MAPKAP1: variants seen among roughly 807,000 people sequenced by gnomAD.
MAPKAP1 encodes MAPK associated protein 1, also known as target of rapamycin complex 2 subunit MAPKAP1.
In MAPKAP1, 20 loss-of-function variants were observed where a neutral mutation model predicts 65.7. The observed-to-expected ratio is 0.30, with a 90% CI of 0.21 to 0.44. The LOEUF (loss-of-function observed/expected upper bound fraction) is 0.44, where lower values mean the gene tolerates loss of function less well. Among genes scored for constraint, MAPKAP1 ranks in the 20% least tolerant of loss-of-function variants. The pLI, the probability that MAPKAP1 is intolerant of heterozygous loss-of-function variation, is 1.00. For synonymous variants in MAPKAP1, 222 were observed against 244.3 expected (o/e 0.91, Z 0.85); for missense variants, 423 against 648.0 (o/e 0.65, Z 3.77).
chr9:125,652,105 C>T, intron 4 of MAPKAP1: 1 of 1,269,204 alleles, frequency 7.9e-7, no homozygotes. Context: ...TACGTGATTT[C>T]AATTCGCTGA....
At chr9:125,442,384 C>A (rs904387772) in intron 11 of MAPKAP1, among the ~76,000 whole-genome samples, 2 of 152,158 alleles carry the variant, frequency 1.3e-5, no homozygotes, top group East Asian at 1.9e-4. Context: ...AAAATGATTT[C>A]TCTGCACTTG....
At chr9:125,639,610 C>T (rs529382754) in intron 4 of MAPKAP1, among the ~76,000 whole-genome samples, 26 of 152,112 alleles carry the variant, frequency 1.7e-4, no homozygotes, top group African/African-American at 6.3e-4. Flanking sequence ...GAGAGAGGCA[C>T]GGGAAGAGAC....
intron 3 of MAPKAP1, among the ~76,000 whole-genome samples, chr9:125,662,601 T>C (rs1277924919): frequency 3.3e-5 from 5 of 152,098 alleles, no homozygotes; most frequent in South Asian, 2.1e-4. Flanking sequence ...GTGAATGGCG[T>C]GAACCCAGGA....
chr9:125,623,433 C>T (rs190919333), intron 4 of MAPKAP1, among the ~76,000 whole-genome samples: 2 of 29,244 alleles, frequency 6.8e-5, no homozygotes, highest in Non-Finnish European at 1.7e-4. Context: ...ATGTGGGGAG[C>T]GCCTCTGCCC....
chr9:125,577,739 G>T (rs1210525153), intron 5 of MAPKAP1, among the ~76,000 whole-genome samples: 1 of 132,932 alleles, frequency 7.5e-6, no homozygotes, highest in Admixed American at 7.3e-5. Flanking sequence ...GGGCGCCTCT[G>T]CCTGGCCGCC....
intron 7 of MAPKAP1, among the ~76,000 whole-genome samples, chr9:125,529,381 T>A (rs1829870543): frequency 6.6e-6 from 1 of 151,908 alleles, no homozygotes; most frequent in African/African-American, 2.4e-5. Flanking sequence ...AAGACTCTAC[T>A]GAAGGATAAG....
intron 10 of MAPKAP1, among the ~76,000 whole-genome samples, chr9:125,455,551 C>T (rs572330038): frequency 1.3e-5 from 2 of 149,982 alleles, no homozygotes; most frequent in Admixed American, 6.6e-5. Context: ...ATTTAATCAT[C>T]AAATACATTT....
chr9:125,679,856 T>C (rs1271217256), intron 1 of MAPKAP1, among the ~76,000 whole-genome samples: 1 of 152,190 alleles, frequency 6.6e-6, no homozygotes, highest in Non-Finnish European at 1.5e-5. Flanking sequence ...TCACCTGCAA[T>C]CTGTGAAAAC....
chr9:125,468,790 TGTGA>T (rs2077215205), intron 9 of MAPKAP1, among the ~76,000 whole-genome samples: 1 of 152,162 alleles, frequency 6.6e-6, no homozygotes, highest in Admixed American at 6.5e-5. Context: ...CGGCACTGGG[TGTGA>T]GTTTTACGCA....
At chr9:125,619,907 G>T (rs1589349099) in intron 4 of MAPKAP1, among the ~76,000 whole-genome samples, 1 of 152,134 alleles carries the variant, frequency 6.6e-6, no homozygotes, top group South Asian at 2.1e-4. Flanking sequence ...TAGAAAATAA[G>T]AAAAAGTTCA....
chr9:125,698,294 T>TATATATATATATA (rs1835469330), intron 1 of MAPKAP1, among the ~76,000 whole-genome samples: 1 of 6,320 alleles, frequency 1.6e-4, no homozygotes, highest in African/African-American at 6.8e-4. Flanking sequence ...TATAAATATA[T>TATATATATATATA]ATATATATAT....
At chr9:125,648,661 A>G (rs1833801276) in intron 4 of MAPKAP1, among the ~76,000 whole-genome samples, 1 of 152,136 alleles carries the variant, frequency 6.6e-6, no homozygotes. Flanking sequence ...TAAAAATCTC[A>G]GCTGGGCACA....
chr9:125,678,133 G>T (rs1324089567), intron 1 of MAPKAP1, among the ~76,000 whole-genome samples: 1 of 152,114 alleles, frequency 6.6e-6, no homozygotes, highest in Non-Finnish European at 1.5e-5. Context: ...GCCCAGGCTG[G>T]TCTTGAACTC....
At chr9:125,575,132 G>A (rs907935662) in intron 5 of MAPKAP1, among the ~76,000 whole-genome samples, 1 of 152,194 alleles carries the variant, frequency 6.6e-6, no homozygotes, top group Non-Finnish European at 1.5e-5. Flanking sequence ...CAGGATGATT[G>A]CTTTAAGCCA....
At chr9:125,587,377 C>T (rs1045412674) in intron 4 of MAPKAP1, among the ~76,000 whole-genome samples, 11 of 152,112 alleles carry the variant, frequency 7.2e-5, no homozygotes, top group Admixed American at 7.2e-4. Context: ...ACCAACCTGG[C>T]CAACATGGTG....
chr9:125,495,698 C>A (rs746161993), intron 8 of MAPKAP1, among the ~76,000 whole-genome samples: 1 of 152,050 alleles, frequency 6.6e-6, no homozygotes, highest in Non-Finnish European at 1.5e-5. Context: ...AGTTCTCAGC[C>A]CACACAGCAC....
At chr9:125,586,507 G>GT (rs1366948092) in intron 4 of MAPKAP1, among the ~76,000 whole-genome samples, 5 of 149,102 alleles carry the variant, frequency 3.4e-5, no homozygotes, top group African/African-American at 1.3e-4. Context: ...CTGCTTTGTT[G>GT]TTGTTTTTTT....
chr9:125,548,719 TATA>T (rs1195530265), intron 6 of MAPKAP1, among the ~76,000 whole-genome samples: 7 of 152,196 alleles, frequency 4.6e-5, no homozygotes, highest in Non-Finnish European at 7.3e-5. Context: ...ACAGTTAATA[TATA>T]ATAAGCATAA....
intron 1 of MAPKAP1, among the ~76,000 whole-genome samples, chr9:125,693,616 CACACATATAT>C (rs1341378276): frequency 6.7e-6 from 1 of 149,096 alleles, no homozygotes; most frequent in Non-Finnish European, 1.5e-5. Context: ...CACATATATA[CACACATATAT>C]ACACATATAC....
Sources: gnomAD v4.1 joint callset for allele counts (sites outside exome capture counted in the v4.1 genomes callset) on GRCh38, gnomAD v4.1.1 for gene constraint, MANE v1.5 for transcripts, NCBI Gene and HGNC (gene_info 2026-07-23, HGNC 2026-07-21) for gene names.